KCNQ1: variants seen among roughly 807,000 people sequenced by gnomAD.
KCNQ1 encodes potassium voltage-gated channel subfamily KQT member 1.
Under a neutral mutation model 72.4 loss-of-function variants are expected in KCNQ1, and 49 were observed. That is an observed-to-expected ratio of 0.68 (90% confidence interval 0.54 to 0.86). The LOEUF is 0.86. Ranked by LOEUF, KCNQ1 falls within the 40% of genes least tolerant of loss-of-function variation. KCNQ1 has a pLI of 0.00. For missense variants in KCNQ1, 790 were observed against 945.1 expected, an observed-to-expected ratio of 0.84 and a Z score of 2.15; for synonymous variants, 450 against 412.6, an observed-to-expected ratio of 1.09 and a Z score of -1.10.
At position 2,769,006 on chromosome 11, in the gene KCNQ1, C is replaced by A; in HGVS notation, c.1590+87C>A. On this transcript the variant is annotated intron_variant, in intron 12 of 15. Transcript: ENST00000155840. This position sits in a 1 kb window ranked among gnomAD's most constrained non-coding sequence, Gnocchi z 4.6. ...CACACCTCTCCTGGGTTCTCTCCTG[C>A]CCATAGTGGAGGGTGTCAAGGCCTC... is the stretch of plus-strand genomic sequence containing the variant. 8.7e-7 allele frequency: 1 copy of A among 1,148,404 alleles called. No individual in the cohort carries two copies. 71.1% of individuals were successfully genotyped at this position (1,148,404 alleles called of 1,614,324 possible).
chr11:2,656,603 A>T (rs946472974), intron 10 of KCNQ1: 1 of 398,424 alleles, frequency 2.5e-6, no homozygotes, highest in Non-Finnish European at 4.4e-6. Flanking sequence ...TACTTTGTCT[A>T]TTGCCCATTT....
intron 15 of KCNQ1, among the ~76,000 whole-genome samples, chr11:2,819,226 A>G (rs1430554220): frequency 3.3e-5 from 5 of 152,242 alleles, no homozygotes; most frequent in Non-Finnish European, 7.3e-5. Flanking sequence ...CACTAGGAGG[A>G]CAGACAATGA....
chr11:2,812,616 A>G lies in KCNQ1; in HGVS notation c.1794+34579A>G, dbSNP rs1413175135. 3.9e-5 allele frequency among the ~76,000 whole-genome samples: 6 copies of G among 152,108 alleles called. No homozygotes were observed. The South Asian group carries it at 6.2e-4, about 16-fold the overall frequency. On this transcript the variant is annotated intron_variant, in intron 15 of 15. Coordinates refer to ENST00000155840, the MANE Select transcript of KCNQ1 (RefSeq NM_000218.3). ...CTCCCGGCTTTCTCTCTCCCCCTACATTCCTGTCTCCATGCAGCAGCCAGA... is the reference window on the plus strand; with the variant it reads ...CTCCCGGCTTTCTCTCTCCCCCTACGTTCCTGTCTCCATGCAGCAGCCAGA...
intron 10 of KCNQ1, chr11:2,618,695 C>T (rs1415323844): frequency 2.5e-6 from 1 of 398,316 alleles, no homozygotes; most frequent in Non-Finnish European, 4.4e-6. Flanking sequence ...CTTGCTATTC[C>T]AAATGAACTT....
chr11:2,727,871 T>C (rs367858068), intron 11 of KCNQ1, among the ~76,000 whole-genome samples: 11 of 152,154 alleles, frequency 7.2e-5, no homozygotes, highest in African/African-American at 2.7e-4. Flanking sequence ...CGTTCCTCTG[T>C]GGGCACTGTG....
chr11:2,616,782 T>C, intron 10 of KCNQ1: 1 of 398,296 alleles, frequency 2.5e-6, no homozygotes, highest in East Asian at 3.6e-5. Context: ...TTAAAATTTA[T>C]TGAGACTCTT....
chr11:2,533,373 TCTG>T (rs1019375132), intron 2 of KCNQ1, among the ~76,000 whole-genome samples: 1 of 152,174 alleles, frequency 6.6e-6, no homozygotes, highest in Admixed American at 6.5e-5. Flanking sequence ...ACGTCGGAAA[TCTG>T]CTGGGCAGGG....
chr11:2,699,627 G>A (rs550107996), intron 11 of KCNQ1: 118 of 354,746 alleles, frequency 3.3e-4, no homozygotes, highest in Non-Finnish European at 5.5e-4. Flanking sequence ...GAACCGCGCC[G>A]AAGAACCCCC....
chr11:2,481,665 C>T lies in KCNQ1; in HGVS notation c.386+36181C>T, dbSNP rs370251472. ...GCTCTGCCTCCTATCAGATCAGTGG[C>T]GGCATTAGATTCTCACAGGGGTGTG... is the stretch of plus-strand genomic sequence containing the variant. On this transcript the variant is annotated intron_variant, in intron 1 of 15. Transcript: ENST00000155840. The surrounding 1 kb of genome is among the most constrained non-coding windows in gnomAD (Gnocchi z 4.6). Among the ~76,000 whole-genome samples, 5 of 152,282 alleles carry T rather than the reference C, an allele frequency of 3.3e-5. No individual in the cohort carries two copies. The highest frequency in any genetic ancestry group is 4.4e-5 in the Non-Finnish European group (3 of 68,032).
intron 3 of KCNQ1, 84 bp from the exon 4 acceptor site, chr11:2,571,241 C>G: frequency 8.5e-7 from 1 of 1,170,724 alleles, no homozygotes; most frequent in Non-Finnish European, 1.3e-6. Flanking sequence ...AGCCCCTTCC[C>G]CAGACGAGAG....
At chr11:2,738,680 T>TG (rs1845998563) in intron 11 of KCNQ1, among the ~76,000 whole-genome samples, 1 of 151,880 alleles carries the variant, frequency 6.6e-6, no homozygotes. Flanking sequence ...TGTTCAGGGG[T>TG]GGGGTGGATG....
chr11:2,787,949 T>G lies in KCNQ1; in HGVS notation c.1794+9912T>G, dbSNP rs1846943239. On this transcript the variant is annotated intron_variant, in intron 15 of 15. Coordinates refer to ENST00000155840, the MANE Select transcript of KCNQ1 (RefSeq NM_000218.3). This position sits in a 1 kb window ranked among gnomAD's most constrained non-coding sequence, Gnocchi z 6.3. ...TTTTTTAAGTGCTGTGCCACACAGA[T>G]TCAGCTATGGGACAGCGCTGCTTTG... Among the ~76,000 whole-genome samples, 1 of 152,308 alleles carries G rather than the reference T, an allele frequency of 6.6e-6. No individual in the cohort carries two copies. The highest frequency in any genetic ancestry group is 2.1e-4 in the South Asian group (1 of 4,826).
Position 2,445,077 on chromosome 11 carries a change from C to G in KCNQ1, c.-22C>G. The stretch of plus-strand genomic sequence containing the variant: ...TCCCGGTGCCGCCGCTCGGGCCGGC[C>G]CCCCGGCAGGCCCTCCTCGTTATGG... On this transcript the variant is annotated 5_prime_UTR_variant, in exon 1 of 16. Coordinates refer to ENST00000155840, the MANE Select transcript of KCNQ1 (RefSeq NM_000218.3). 3.8e-6 allele frequency: 4 copies of G among 1,064,592 alleles called. No individual in the cohort carries two copies. Among genetic ancestry groups the G allele is most frequent in the Non-Finnish European group, 4.5e-6 (4 of 881,224 alleles). The allele number at this position is 1,064,592 out of a possible 1,614,324, so 65.9% of individuals were successfully genotyped here. A position where few individuals can be genotyped will look rare whatever the true frequency, so the allele number is the denominator to read the frequency against.
At position 2,497,985 on chromosome 11, in the gene KCNQ1, G is replaced by T. The variant is rs1846949625; in HGVS notation, c.387-29943G>T. On this transcript the variant is annotated intron_variant, in intron 1 of 15. Transcript: ENST00000155840. The surrounding 1 kb of genome is among the most constrained non-coding windows in gnomAD (Gnocchi z 4.5). ...GTCCACTCCAGACCCTGTTTGCCTG[G>T]GTATCACCAGTGGAGGCTGCAGAAC... Among the ~76,000 whole-genome samples the T allele has an allele frequency of 6.6e-6, 1 of 152,106 alleles. No homozygotes were observed. Among genetic ancestry groups the T allele is most frequent in the South Asian group, 2.1e-4 (1 of 4,832 alleles).
intron 15 of KCNQ1, among the ~76,000 whole-genome samples, chr11:2,793,326 C>T (rs1847068737): frequency 6.6e-6 from 1 of 152,172 alleles, no homozygotes; most frequent in African/African-American, 2.4e-5. Context: ...CCAGGAATAT[C>T]CTCAAAACTG....
rs562055741 is a variant in KCNQ1, at chr11:2,579,297, A to T, written c.922-4138A>T. On this transcript the variant is annotated intron_variant, in intron 6 of 15. Coordinates refer to ENST00000155840, the MANE Select transcript of KCNQ1 (RefSeq NM_000218.3). The surrounding 1 kb of genome is among the most constrained non-coding windows in gnomAD (Gnocchi z 6.0). ...CTCCCCATGCCTCCCGCCCCTTCAC[A>T]TGGGAGTGAAGGCACAGGCCAGCAG... Among the ~76,000 whole-genome samples, 80 of 152,220 alleles carry T rather than the reference A, an allele frequency of 5.3e-4. No individual in the cohort carries two copies. Among genetic ancestry groups the T allele is most frequent in the African/African-American group, 1.8e-3 (76 of 41,556 alleles).
chr11:2,513,034 C>G (rs1285313015), intron 1 of KCNQ1, among the ~76,000 whole-genome samples: 2 of 152,148 alleles, frequency 1.3e-5, no homozygotes, highest in East Asian at 3.9e-4. Context: ...TGCTCAAGCC[C>G]CGGCCTGCTC....
chr11:2,775,972 C>G lies in KCNQ1; in HGVS notation c.1603C>G (p.Pro535Ala). The G allele has an allele frequency of 1.3e-6, 2 of 1,563,140 alleles. No homozygotes were observed. The highest frequency in any genetic ancestry group is 1.7e-6 in the Non-Finnish European group (2 of 1,153,612). ...TTTTGTCCCGCAGCAAGCGCGGAAG[C>G]CTTACGATGTGCGGGACGTCATTGA... ...AKKKFQQARKPYDVRDVIEQY... is the reference protein window; with the variant it reads ...AKKKFQQARKAYDVRDVIEQY... Residue 535 changes from proline (P) to alanine (A), a missense_variant, in exon 13 of 16, where the codon CCT becomes GCT. Transcript: ENST00000155840.
chr11:2,811,738 C>T (rs916453386), intron 15 of KCNQ1, among the ~76,000 whole-genome samples: 1 of 152,172 alleles, frequency 6.6e-6, no homozygotes, highest in South Asian at 2.1e-4. Flanking sequence ...GCGTGGGAGA[C>T]GGTGCAGCAG....
Sources: allele counts gnomAD v4.1 joint callset (sites outside exome capture counted in the v4.1 genomes callset), GRCh38; gene constraint gnomAD v4.1.1; non-coding constraint Gnocchi (gnomAD v3.1); transcripts MANE v1.5; gene names NCBI Gene and HGNC (gene_info 2026-07-23, HGNC 2026-07-21).